Variants in KANSL1L observed in about 807,000 individuals in gnomAD.
KANSL1L encodes the protein KAT8 regulatory NSL complex subunit 1 like.
In KANSL1L, 25 loss-of-function variants were observed where a neutral mutation model predicts 108.6. That is an observed-to-expected ratio of 0.23 (90% CI 0.17 to 0.32). The LOEUF is 0.32. Among genes scored for constraint, KANSL1L ranks in the 10% least tolerant of loss-of-function variants. The pLI is 1.00. For synonymous variants in KANSL1L, 405 were observed against 395.1 expected, an observed-to-expected ratio of 1.03 and a Z score of -0.30; for missense variants, 1,137 against 1,125.7, an observed-to-expected ratio of 1.01 and a Z score of -0.14.
At chr2:210,055,485 G>A (rs1053427503) in intron 6 of KANSL1L, among the ~76,000 whole-genome samples, 4 of 152,162 alleles carry the variant, frequency 2.6e-5, no homozygotes, top group Admixed American at 6.5e-5. Context: ...AAAAATATGG[G>A]TAAGTTTGGA....
chr2:210,082,257 C>G (rs2094596596), intron 5 of KANSL1L, among the ~76,000 whole-genome samples: 1 of 152,190 alleles, frequency 6.6e-6, no homozygotes, highest in African/African-American at 2.4e-5. Flanking sequence ...CATTTACCAT[C>G]CAATCAGAAA....
chr2:210,148,385 G>A (rs1002788651), intron 2 of KANSL1L, among the ~76,000 whole-genome samples: 8 of 152,170 alleles, frequency 5.3e-5, no homozygotes, highest in African/African-American at 1.9e-4. Context: ...GAGAAATAAC[G>A]TAACTGTAGC....
At chr2:210,138,916 T>C (rs376353505) in intron 2 of KANSL1L, among the ~76,000 whole-genome samples, 2 of 151,988 alleles carry the variant, frequency 1.3e-5, no homozygotes, top group South Asian at 4.2e-4. Flanking sequence ...CTGGACAACA[T>C]GGCGAAACCC....
intron 3 of KANSL1L, among the ~76,000 whole-genome samples, chr2:210,108,161 A>T (rs2094869039): frequency 6.6e-6 from 1 of 152,220 alleles, no homozygotes; most frequent in African/African-American, 2.4e-5. Context: ...AGTTGCATAT[A>T]AACAACTAAA....
intron 2 of KANSL1L, chr2:210,152,292 C>A (rs956115281): frequency 1.1e-4 from 16 of 152,222 alleles, no homozygotes; most frequent in Admixed American, 6.5e-4. Flanking sequence ...TATGCTTTAT[C>A]TGACCATTTC....
intron 6 of KANSL1L, among the ~76,000 whole-genome samples, chr2:210,065,224 G>A (rs923006569): frequency 1.3e-5 from 2 of 148,462 alleles, no homozygotes; most frequent in South Asian, 4.3e-4. Flanking sequence ...CTCGGAGGCG[G>A]AGGTTGCAGT....
intron 2 of KANSL1L, among the ~76,000 whole-genome samples, chr2:210,139,110 A>G (rs754221940): frequency 8.5e-5 from 13 of 152,128 alleles, no homozygotes; most frequent in Non-Finnish European, 1.8e-4. Flanking sequence ...AAACAAAACA[A>G]AACAAAACAA....
chr2:210,136,435 T>A (rs1000821564), intron 2 of KANSL1L, among the ~76,000 whole-genome samples: 3 of 152,182 alleles, frequency 2.0e-5, no homozygotes, highest in Non-Finnish European at 4.4e-5. Flanking sequence ...TTGTGTAACA[T>A]CAAACATTGA....
intron 3 of KANSL1L, among the ~76,000 whole-genome samples, chr2:210,127,870 G>C (rs73063976): frequency 7.3e-5 from 9 of 123,434 alleles, no homozygotes; most frequent in African/African-American, 2.7e-4. Context: ...TATCTGATAA[G>C]AAATTAATAT....
intron 3 of KANSL1L, among the ~76,000 whole-genome samples, chr2:210,124,392 C>T (rs1416931773): frequency 6.6e-6 from 1 of 151,674 alleles, no homozygotes; most frequent in Non-Finnish European, 1.5e-5. Flanking sequence ...CATTTTAAAA[C>T]AACCAATAGA....
intron 2 of KANSL1L, among the ~76,000 whole-genome samples, chr2:210,134,497 T>C (rs929447236): frequency 7.9e-5 from 12 of 152,248 alleles, no homozygotes; most frequent in Middle Eastern, 3.4e-3. Flanking sequence ...GTTGTTAATG[T>C]GTGGATTTTG....
At position 210,025,161 on chromosome 2, in the gene KANSL1L, C is replaced by G. The variant is rs1164305287; in HGVS notation, c.2507G>C (p.Arg836Thr). ...FSLRHKKYEE[R>T]EQARWSLWEQ... ...CCATAGTGACCACCTGGCTTGCTCT[C>G]TCTCTTCATATTTTTTGTGCCTTAG... is the stretch of plus-strand genomic sequence containing the variant. The change falls in exon 13 of 15, where the codon AGA (arginine) becomes ACA (threonine). Residue 836 changes from arginine to threonine, a missense_variant. By Grantham distance (71) the Arg-to-Thr change is moderately conservative. Transcript: ENST00000281772. The G allele has an allele frequency of 6.8e-6, 11 of 1,613,420 alleles. No individual in the cohort carries two copies. Among genetic ancestry groups the G allele is most frequent in the Non-Finnish European group, 9.3e-6 (11 of 1,179,466 alleles).
At chr2:210,170,865 CAGG>C (rs1289614047) in intron 1 of KANSL1L, among the ~76,000 whole-genome samples, 8 of 151,822 alleles carry the variant, frequency 5.3e-5, no homozygotes, top group African/African-American at 1.9e-4. Flanking sequence ...GACCGGCGTC[CAGG>C]TCCGCCCCCA....
chr2:210,127,925 G>A (rs984671055), intron 3 of KANSL1L, among the ~76,000 whole-genome samples: 2 of 147,326 alleles, frequency 1.4e-5, no homozygotes, highest in African/African-American at 5.0e-5. Context: ...AAACAAGCAA[G>A]CAACCCAATT....
chr2:210,168,309 T>C (rs1688108569), intron 1 of KANSL1L, among the ~76,000 whole-genome samples: 1 of 152,002 alleles, frequency 6.6e-6, no homozygotes, highest in Non-Finnish European at 1.5e-5. Context: ...TCAACTACCA[T>C]CTAATACTAT....
chr2:210,125,555 C>A (rs1298465888), intron 3 of KANSL1L, among the ~76,000 whole-genome samples: 1 of 152,150 alleles, frequency 6.6e-6, no homozygotes, highest in Non-Finnish European at 1.5e-5. Context: ...AATACTGATA[C>A]AGAAGTGATC....
chr2:210,148,292 C>G (rs1400953517), intron 2 of KANSL1L, among the ~76,000 whole-genome samples: 1 of 152,154 alleles, frequency 6.6e-6, no homozygotes, highest in African/African-American at 2.4e-5. Flanking sequence ...CCCCAAAATG[C>G]AGCCTGGAAA....
chr2:210,059,089 G>A lies in KANSL1L; in HGVS notation c.1756-14985C>T, dbSNP rs532388393. Among the ~76,000 whole-genome samples, 11 of 144,442 alleles carry A rather than the reference G, an allele frequency of 7.6e-5. No individual in the cohort carries two copies. The South Asian group carries it at 2.4e-3, about 31-fold the overall frequency. 94.8% of individuals were successfully genotyped at this position (144,442 alleles called of 152,430 possible). ...GGAGGTGGAGCTTGCAGTGACCTGA[G>A]ACCACGTCACTGCACTCCAGCCTGG... On this transcript the variant is annotated intron_variant, in intron 6 of 14. Transcript: ENST00000281772.
At chr2:210,076,865 C>G (rs2125329986) in intron 5 of KANSL1L, among the ~76,000 whole-genome samples, 1 of 152,032 alleles carries the variant, frequency 6.6e-6, no homozygotes, top group Non-Finnish European at 1.5e-5. Flanking sequence ...AAAAGCTAGT[C>G]AATTTAGTAT....
Sources: gnomAD v4.1 joint callset for allele counts (sites outside exome capture counted in the v4.1 genomes callset) on GRCh38, gnomAD v4.1.1 for gene constraint, MANE v1.5 for transcripts, NCBI Gene and HGNC (gene_info 2026-07-23, HGNC 2026-07-21) for gene names.